The following BANP variants were observed in gnomAD, a reference collection of about 807,000 sequenced individuals.
The protein encoded by BANP is BTG3 associated nuclear protein, also known as protein BANP.
In BANP, 11 loss-of-function variants were observed where a neutral mutation model predicts 68.1. That is an observed-to-expected ratio of 0.16 (90% CI 0.10 to 0.27). BANP has a LOEUF of 0.27. Ranked by LOEUF, BANP falls within the 10% of genes least tolerant of loss-of-function variation. BANP has a pLI of 1.00. For missense variants in BANP, 504 were observed against 722.7 expected, an observed-to-expected ratio of 0.70 and a Z score of 3.47; for synonymous variants, 329 against 303.2, an observed-to-expected ratio of 1.09 and a Z score of -0.88.
Position 87,957,171 on chromosome 16 carries a change from C to T in BANP, c.-69+5656C>T, listed in dbSNP as rs1473403942. ...TCACGGTGGAGCAGACTCCACGACTCGCTGCTCCCATGGGAGGTGTCTCTC... is the reference window on the plus strand; with the variant it reads ...TCACGGTGGAGCAGACTCCACGACTTGCTGCTCCCATGGGAGGTGTCTCTC... On this transcript the variant is annotated intron_variant, in intron 1 of 13. Transcript: ENST00000682872. This position sits in a 1 kb window ranked among gnomAD's most constrained non-coding sequence, Gnocchi z 4.3. 1.3e-5 allele frequency: 2 copies of T among 152,192 alleles called. No homozygotes were observed. The highest frequency in any genetic ancestry group is 4.8e-5 in the African/African-American group (2 of 41,472). The allele number at this position is 152,192 out of a possible 1,614,324, so 9.4% of individuals were successfully genotyped here. A position where few individuals can be genotyped will look rare whatever the true frequency, so the allele number is the denominator to read the frequency against.
intron 6 of BANP, among the ~76,000 whole-genome samples, chr16:88,015,739 G>A (rs2074391629): frequency 6.6e-6 from 1 of 152,268 alleles, no homozygotes; most frequent in South Asian, 2.1e-4. Flanking sequence ...CCAGGCAGCT[G>A]CCGCAGGGAC....
At chr16:87,993,842 C>T (rs1361870775) in intron 4 of BANP, among the ~76,000 whole-genome samples, 1 of 152,176 alleles carries the variant, frequency 6.6e-6, no homozygotes, top group African/African-American at 2.4e-5. Flanking sequence ...CTCAGGTGAT[C>T]CGCCTGCCTT....
Position 88,037,910 on chromosome 16 carries a change from C to T in BANP, c.1273-63C>T, listed in dbSNP as rs188770212. On this transcript the variant is annotated intron_variant, in intron 10 of 13. Coordinates refer to ENST00000682872, the MANE Select transcript of BANP (RefSeq NM_001386991.1). ...CTGTGATGTGTCTTGGCGTGTTTGC[C>T]GTGTCTGAGGGTGTCTTGGTGTGTT... The T allele has an allele frequency of 1.3e-3, 1,955 of 1,522,098 alleles. 17 individuals carry two copies. In the South Asian group the frequency reaches 0.014, roughly 11 times the overall value. 94.3% of individuals were successfully genotyped at this position (1,522,098 alleles called of 1,614,324 possible).
intron 1 of BANP, among the ~76,000 whole-genome samples, chr16:87,965,695 C>G (rs573280371): frequency 6.6e-6 from 1 of 152,158 alleles, no homozygotes; most frequent in African/African-American, 2.4e-5. Context: ...CATCCCTGCC[C>G]GAATGTGTGG....
In BANP at chr16:88,076,814, A is replaced by C; in HGVS notation, c.*153A>C. The C allele has an allele frequency of 1.5e-6, 1 of 646,482 alleles. No homozygotes were observed. Among genetic ancestry groups the C allele is most frequent in the Non-Finnish European group, 2.6e-6 (1 of 388,688 alleles). The allele number at this position is 646,482 out of a possible 1,614,324, so 40.0% of individuals were successfully genotyped here. A position where few individuals can be genotyped will look rare whatever the true frequency, so the allele number is the denominator to read the frequency against. ...CTGCCTCCGCGGGGAACAGCATCCTATCAACTGAAAGAGCAGCCGCCGCCG... is the reference window on the plus strand; with the variant it reads ...CTGCCTCCGCGGGGAACAGCATCCTCTCAACTGAAAGAGCAGCCGCCGCCG... On this transcript the variant is annotated 3_prime_UTR_variant, in exon 14 of 14. Transcript: ENST00000682872.
intron 7 of BANP, among the ~76,000 whole-genome samples, chr16:88,023,140 T>C (rs1433677529): frequency 6.6e-6 from 1 of 152,162 alleles, no homozygotes; most frequent in African/African-American, 2.4e-5. Context: ...TCTTGGGACA[T>C]TGAGCGCCTC....
At position 87,957,253 on chromosome 16, in the gene BANP, G is replaced by A. The variant is rs1185484205; in HGVS notation, c.-69+5738G>A. On this transcript the variant is annotated intron_variant, in intron 1 of 13. Transcript: ENST00000682872. The surrounding 1 kb of genome is among the most constrained non-coding windows in gnomAD (Gnocchi z 4.3). ...CGCGGTGCTCCATTCGGAACCCACAGGTCGCCAGCTTACAGCGTGGGAGCT... is the reference window on the plus strand; with the variant it reads ...CGCGGTGCTCCATTCGGAACCCACAAGTCGCCAGCTTACAGCGTGGGAGCT... Among the ~76,000 whole-genome samples the A allele has an allele frequency of 2.0e-5, 3 of 152,254 alleles. No individual in the cohort carries two copies. The highest frequency in any genetic ancestry group is 7.2e-5 in the African/African-American group (3 of 41,470).
At chr16:88,016,767 C>T (rs1375001672) in intron 6 of BANP, among the ~76,000 whole-genome samples, 4 of 152,222 alleles carry the variant, frequency 2.6e-5, no homozygotes, top group African/African-American at 4.8e-5. Context: ...GGCCGACCGA[C>T]GGATGTTCTG....
chr16:88,031,421 A>T (rs1450501916), intron 8 of BANP, among the ~76,000 whole-genome samples: 1 of 152,146 alleles, frequency 6.6e-6, no homozygotes, highest in African/African-American at 2.4e-5. Flanking sequence ...AGGCAGGCGG[A>T]TCATTTGAGG....
At chr16:88,072,239 A>T in intron 13 of BANP, 27 bp downstream of exon 13, 1 of 1,586,868 alleles carries the variant, frequency 6.3e-7, no homozygotes, top group Non-Finnish European at 8.6e-7. Context: ...GCGCCGGGAC[A>T]CTGAAGTGAT....
chr16:88,030,622 G>A (rs1293520732), intron 8 of BANP, among the ~76,000 whole-genome samples: 4 of 152,206 alleles, frequency 2.6e-5, no homozygotes, highest in Non-Finnish European at 5.9e-5. Flanking sequence ...TACATTTAAT[G>A]AGCTGAAATG....
At chr16:88,061,292 C>T (rs1312763861) in intron 11 of BANP, among the ~76,000 whole-genome samples, 1 of 152,244 alleles carries the variant, frequency 6.6e-6, no homozygotes, top group Admixed American at 6.5e-5. Context: ...AGCCTGTTAG[C>T]TTTGAAACTT....
At chr16:88,039,053 A>T (rs1474678047) in intron 11 of BANP, among the ~76,000 whole-genome samples, 1 of 152,140 alleles carries the variant, frequency 6.6e-6, no homozygotes, top group East Asian at 1.9e-4. Flanking sequence ...ACAGAGCGGG[A>T]CAGAAGGGCA....
At chr16:87,978,544 T>G (rs8052854) in intron 2 of BANP, 280,263 of 456,616 alleles carry the variant, frequency 0.61, 89,081 homozygotes, top group African/African-American at 0.77. Context: ...TTTAAAAGTT[T>G]CATTAAGTGA....
rs2063914537 is a variant in BANP at position 87,984,525 on chromosome 16, C to T, written c.362+266C>T. On this transcript the variant is annotated intron_variant, in intron 4 of 13. Transcript: ENST00000682872. Reference sequence around the variant, plus strand: ...CACCTTTTCTTTGGAACTAACCCACCAGATCTTAGAAAATGTACATGTGCT... The same window carrying T: ...CACCTTTTCTTTGGAACTAACCCACTAGATCTTAGAAAATGTACATGTGCT... Among the ~76,000 whole-genome samples the T allele has an allele frequency of 2.6e-5, 4 of 152,346 alleles. No homozygotes were observed. The South Asian group carries it at 8.3e-4, about 32-fold the overall frequency.
intron 7 of BANP, among the ~76,000 whole-genome samples, chr16:88,021,271 G>T (rs982792314): frequency 6.6e-6 from 1 of 152,216 alleles, no homozygotes; most frequent in Non-Finnish European, 1.5e-5. Flanking sequence ...GGGCTCTGGA[G>T]CACGGTCCCC....
chr16:88,031,714 G>T (rs139433067), intron 8 of BANP, among the ~76,000 whole-genome samples: 1 of 151,544 alleles, frequency 6.6e-6, no homozygotes, highest in African/African-American at 2.4e-5. Flanking sequence ...GTGGAATCTA[G>T]GTACTATGGC....
intron 11 of BANP, among the ~76,000 whole-genome samples, chr16:88,043,748 G>C (rs1460419596): frequency 6.6e-6 from 1 of 152,200 alleles, no homozygotes; most frequent in East Asian, 1.9e-4. Context: ...GATTCATAGA[G>C]GGAGAGAGTA....
At chr16:87,949,606 G>C (rs1470536144), upstream of BANP, 1 of 152,078 alleles carries the variant, frequency 6.6e-6, no homozygotes, top group Non-Finnish European at 1.5e-5. Context: ...TGTTGAAAAA[G>C]GACAAGTCCC....
Sources: gnomAD v4.1 joint callset for allele counts (sites outside exome capture counted in the v4.1 genomes callset) on GRCh38, gnomAD v4.1.1 for gene constraint, Gnocchi (gnomAD v3.1) non-coding constraint, MANE v1.5 for transcripts, NCBI Gene and HGNC (gene_info 2026-07-23, HGNC 2026-07-21) for gene names.